METTL6: variants seen among roughly 807,000 people sequenced by gnomAD.
The protein encoded by METTL6 is methyltransferase 6, tRNA N3-cytidine.
In METTL6, 22 loss-of-function variants were observed where a neutral mutation model predicts 26.4. The observed-to-expected ratio is 0.83, with a 90% CI of 0.59 to 1.19. METTL6 has a LOEUF of 1.19. METTL6 is among the 50% of genes most tolerant of loss of function. The pLI is 0.00. For missense variants in METTL6, 304 were observed against 324.8 expected, an observed-to-expected ratio of 0.94 and a Z score of 0.49; for synonymous variants, 109 against 116.2, an observed-to-expected ratio of 0.94 and a Z score of 0.40.
chr3:15,401,536 C>CAAAAAAAAA (rs35578326), intron 6 of METTL6, among the ~76,000 whole-genome samples: 15 of 71,822 alleles, frequency 2.1e-4, no homozygotes, highest in East Asian at 3.8e-4. Flanking sequence ...ATGTTCACGC[C>CAAAAAAAAA]AAAAAAAAAA....
chr3:15,394,966 T>C (rs1280877832), intron 6 of METTL6, among the ~76,000 whole-genome samples: 2 of 152,268 alleles, frequency 1.3e-5, no homozygotes, highest in African/African-American at 4.8e-5. Context: ...CTGAAAAGAA[T>C]GTATATTCTG....
chr3:15,388,597 T>C lies in METTL6; in HGVS notation c.*12-4410A>G, dbSNP rs573087936. On this transcript the variant is annotated intron_variant, in intron 6 of 6. Coordinates refer to the METTL6 transcript ENST00000443029. ...TATCCATCTGGGTGGTGCCAGTTGA[T>C]CCATCAAGTGCAGGGTCTGCAGAAC... is the stretch of plus-strand genomic sequence containing the variant. Among the ~76,000 whole-genome samples the C allele has an allele frequency of 2.0e-5, 3 of 152,214 alleles. 1 individual carries two copies. Among genetic ancestry groups the C allele is most frequent in the African/African-American group, 7.2e-5 (3 of 41,540 alleles).
At chr3:15,397,707 A>G (rs1575397300) in intron 6 of METTL6, among the ~76,000 whole-genome samples, 1 of 151,972 alleles carries the variant, frequency 6.6e-6, no homozygotes, top group African/African-American at 2.4e-5. Flanking sequence ...CCCAAACTCA[A>G]TCACCTTTGT....
At chr3:15,391,770 T>C (rs901888816) in intron 6 of METTL6, among the ~76,000 whole-genome samples, 11 of 151,660 alleles carry the variant, frequency 7.3e-5, no homozygotes, top group Non-Finnish European at 1.3e-4. Context: ...GTCCTTGTGA[T>C]AGTTTGCTGA....
At chr3:15,420,514 T>G (rs1482126984) in intron 3 of METTL6, among the ~76,000 whole-genome samples, 1 of 152,224 alleles carries the variant, frequency 6.6e-6, no homozygotes, top group Non-Finnish European at 1.5e-5. Flanking sequence ...TACACATCAT[T>G]ACATTTGTAC....
chr3:15,404,748 T>C (rs954140692), intron 6 of METTL6, among the ~76,000 whole-genome samples: 27 of 152,146 alleles, frequency 1.8e-4, no homozygotes, highest in South Asian at 2.1e-4. Flanking sequence ...GGTGAGATCA[T>C]AGTGCACTGT....
Position 15,411,394 on chromosome 3 carries a change from C to T in METTL6, c.717G>A (p.Val239=). ...QLFMDTGYEE[V]VNEYVFRETV... ...TCTCTCGAAACACATACTCGTTTAC[C>T]ACTTCTTCATAACCTGTGTCCATAA... The change falls in exon 6 of 6, where the codon GTG becomes GTA. Residue 239 remains valine, a synonymous_variant. Transcript: ENST00000383790. 1 of 1,614,134 alleles carries T rather than the reference C, an allele frequency of 6.2e-7. No individual in the cohort carries two copies. The highest frequency in any genetic ancestry group is 8.5e-7 in the Non-Finnish European group (1 of 1,180,018).
chr3:15,381,935 A>G (rs962449450), exon 7 of METTL6: 2 of 152,160 alleles, frequency 1.3e-5, no homozygotes, highest in Non-Finnish European at 2.9e-5. Flanking sequence ...CTTGATCCAT[A>G]ATATGGGATA....
intron 5 of METTL6, chr3:15,413,806 G>A: frequency 6.8e-7 from 1 of 1,479,910 alleles, no homozygotes; most frequent in Non-Finnish European, 9.0e-7. Context: ...CATTAGGGGA[G>A]TCACTGACAC....
intron 6 of METTL6, among the ~76,000 whole-genome samples, chr3:15,386,829 T>C (rs1374901025): frequency 6.6e-6 from 1 of 152,072 alleles, no homozygotes; most frequent in Non-Finnish European, 1.5e-5. Flanking sequence ...GTTTCACTCT[T>C]GTCACTCAGG....
At chr3:15,424,208 G>A (rs964050701) in intron 3 of METTL6, among the ~76,000 whole-genome samples, 5 of 152,186 alleles carry the variant, frequency 3.3e-5, no homozygotes, top group Admixed American at 6.5e-5. Flanking sequence ...AAAAGACACC[G>A]GGAACTATTT....
At chr3:15,413,868 A>G (rs1426697016) in intron 5 of METTL6, 153 bp downstream of exon 5, 2 of 1,518,728 alleles carry the variant, frequency 1.3e-6, no homozygotes, top group East Asian at 2.5e-5. Context: ...TGTGCCTTCC[A>G]GGTGCTGGGT....
intron 6 of METTL6, among the ~76,000 whole-genome samples, chr3:15,397,066 A>C (rs1437773768): frequency 6.6e-6 from 1 of 152,196 alleles, no homozygotes; most frequent in Non-Finnish European, 1.5e-5. Flanking sequence ...TTGTTTGGCT[A>C]TGCCCGCCCC....
At chr3:15,417,135 A>G (rs1049405915) in intron 3 of METTL6, among the ~76,000 whole-genome samples, 1 of 152,196 alleles carries the variant, frequency 6.6e-6, no homozygotes, top group Non-Finnish European at 1.5e-5. Flanking sequence ...ACTGCAAGCT[A>G]GCCTGGAAAA....
intron 5 of METTL6, among the ~76,000 whole-genome samples, chr3:15,411,764 TA>T (rs998211946): frequency 8.6e-5 from 13 of 151,398 alleles, no homozygotes; most frequent in Middle Eastern, 3.2e-3. Flanking sequence ...TTTTTTTAAT[TA>T]AAAAAAAATT....
At chr3:15,427,347 C>T in intron 1 of METTL6, 55 bp downstream of exon 1, 2 of 227,328 alleles carry the variant, frequency 8.8e-6, no homozygotes, top group South Asian at 9.0e-5. Flanking sequence ...ACGCTCAGGG[C>T]TCACCGTCAT....
intron 5 of METTL6, among the ~76,000 whole-genome samples, chr3:15,412,937 A>T (rs1257673305): frequency 6.6e-6 from 1 of 152,190 alleles, no homozygotes; most frequent in African/African-American, 2.4e-5. Context: ...TTTCTTATCA[A>T]AAATGACTTT....
At chr3:15,388,312 T>C (rs535261899) in intron 6 of METTL6, among the ~76,000 whole-genome samples, 2 of 152,152 alleles carry the variant, frequency 1.3e-5, no homozygotes, top group South Asian at 2.1e-4. Flanking sequence ...GATTTTGCCA[T>C]GTTGTCCAGG....
chr3:15,425,359 T>C (rs1429099461), intron 2 of METTL6, among the ~76,000 whole-genome samples: 3 of 152,284 alleles, frequency 2.0e-5, no homozygotes, highest in Non-Finnish European at 4.4e-5. Context: ...CATTCTATCC[T>C]TGGGTAAATC....
Sources: allele counts gnomAD v4.1 joint callset (sites outside exome capture counted in the v4.1 genomes callset), GRCh38; gene constraint gnomAD v4.1.1; transcripts MANE v1.5; gene names NCBI Gene and HGNC (gene_info 2026-07-23, HGNC 2026-07-21).